SYTL2: variants seen among roughly 807,000 people sequenced by gnomAD.
SYTL2 encodes synaptotagmin like 2.
In SYTL2, 165 loss-of-function variants were observed where a neutral mutation model predicts 198.7. The observed-to-expected ratio is 0.83, with a 90% CI of 0.73 to 0.94. The LOEUF (loss-of-function observed/expected upper bound fraction) is 0.94. Ranked by LOEUF, SYTL2 falls within the 40% of genes least tolerant of loss-of-function variation. The pLI is 0.00. For synonymous variants in SYTL2, 966 were observed against 917.7 expected (o/e 1.05, Z -0.95); for missense variants, 2,835 against 2,582.8 (o/e 1.10, Z -2.12).
chr11:85,773,245 G>A (rs910770190), intron 1 of SYTL2, among the ~76,000 whole-genome samples: 3 of 151,922 alleles, frequency 2.0e-5, no homozygotes, highest in South Asian at 4.2e-4. Context: ...ACTGCCTTCA[G>A]GATAAAATTC....
rs538804271 is a variant in SYTL2, at chr11:85,805,530, G to C, written c.-390+5424C>G. Among the ~76,000 whole-genome samples the C allele has an allele frequency of 5.9e-5, 9 of 152,266 alleles. No individual in the cohort carries two copies. In the South Asian group the frequency reaches 1.9e-3, roughly 32 times the overall value. On this transcript the variant is annotated intron_variant, in intron 1 of 19. Transcript: ENST00000359152. ...TGACTGAGGAACTTAGCTTGCCTGG[G>C]ATCCAGCTAATGCCCTCAGCCTCAA... is the stretch of plus-strand genomic sequence containing the variant.
At chr11:85,833,704 A>G in the SYTL2 span, among the ~76,000 whole-genome samples, 3 of 151,166 alleles carry the variant, frequency 2.0e-5, no homozygotes, top group Non-Finnish European at 2.9e-5. Flanking sequence ...AACTTTCAGG[A>G]AAAGGACCTT....
the SYTL2 span, among the ~76,000 whole-genome samples, chr11:85,836,070 C>A: frequency 3.9e-5 from 6 of 152,260 alleles, no homozygotes; most frequent in Admixed American, 6.5e-5. Flanking sequence ...AGCTGCATAG[C>A]ATCAAGAGAT....
chr11:85,812,102 G>T (rs2093042177), upstream of SYTL2, among the ~76,000 whole-genome samples: 1 of 152,136 alleles, frequency 6.6e-6, no homozygotes, highest in African/African-American at 2.4e-5. Context: ...GCAAGACTCT[G>T]TCTCAAAAAA....
At chr11:85,707,654 G>C in intron 14 of SYTL2, 123 bp from the exon 15 acceptor site, 1 of 667,132 alleles carries the variant, frequency 1.5e-6, no homozygotes, top group Non-Finnish European at 2.6e-6. Context: ...GAGAAAAGCA[G>C]TGAATAACAA....
the SYTL2 span, among the ~76,000 whole-genome samples, chr11:85,838,492 T>A: frequency 6.6e-6 from 1 of 152,174 alleles, no homozygotes; most frequent in African/African-American, 2.4e-5. Flanking sequence ...CTTACAGGAA[T>A]CATGGTGCCA....
rs542987563 is a variant in SYTL2 at position 85,724,225 on chromosome 11, A to G, written c.5133T>C (p.Ser1711=). The G allele has an allele frequency of 1.9e-6, 3 of 1,578,538 alleles. No individual in the cohort carries two copies. In the Admixed American group the frequency reaches 5.9e-5, roughly 31 times the overall value. The change falls in exon 8 of 20, where the codon AGT becomes AGC. Residue 1711 remains serine (S), a synonymous_variant. Coordinates refer to ENST00000359152, the MANE Select transcript of SYTL2 (RefSeq NM_206927.4). ...PGFGEASEAI[S]VSRNRQPIPL... is the part of the protein sequence containing the mutation. ...GAATGGGTTGCCTATTTCTGGACACACTAATTGCTTCAGAAGCCTCTCCAA... is the reference window on the plus strand; with the variant it reads ...GAATGGGTTGCCTATTTCTGGACACGCTAATTGCTTCAGAAGCCTCTCCAA...
intron 4 of SYTL2, among the ~76,000 whole-genome samples, chr11:85,743,709 C>T (rs917572547): frequency 3.9e-5 from 6 of 152,140 alleles, no homozygotes; most frequent in African/African-American, 1.4e-4. Context: ...CCACCAGCCC[C>T]ACGGTTCATG....
At chr11:85,752,390 G>C (rs2091565727) in intron 2 of SYTL2, among the ~76,000 whole-genome samples, 1 of 152,114 alleles carries the variant, frequency 6.6e-6, no homozygotes, top group Non-Finnish European at 1.5e-5. Context: ...GCTTGCCCAA[G>C]GTCACACAGA....
At chr11:85,782,674 A>C (rs79518475) in intron 1 of SYTL2, among the ~76,000 whole-genome samples, 1 of 152,222 alleles carries the variant, frequency 6.6e-6, no homozygotes, top group Non-Finnish European at 1.5e-5. Flanking sequence ...TTCAGGTCAC[A>C]TCTTGAACAC....
At chr11:85,774,221 T>A (rs1357643092) in intron 1 of SYTL2, among the ~76,000 whole-genome samples, 1 of 152,220 alleles carries the variant, frequency 6.6e-6, no homozygotes, top group Non-Finnish European at 1.5e-5. Flanking sequence ...GGAACTGACA[T>A]TTAATCTTTC....
the SYTL2 span, among the ~76,000 whole-genome samples, chr11:85,851,298 T>A: frequency 6.6e-6 from 1 of 152,244 alleles, no homozygotes; most frequent in Non-Finnish European, 1.5e-5. Flanking sequence ...ATTTTCTATT[T>A]CTCAAAAGTA....
intron 3 of SYTL2, among the ~76,000 whole-genome samples, chr11:85,746,607 GCAGTGCTGGAGCTTC>G (rs1184129490): frequency 3.3e-5 from 5 of 152,210 alleles, no homozygotes; most frequent in Admixed American, 6.5e-5. Context: ...TTAGGATGAA[GCAGTGCTGGAGCTTC>G]CAGTTTCCAA....
chr11:85,802,616 G>A (rs2092906936), intron 1 of SYTL2, among the ~76,000 whole-genome samples: 1 of 152,064 alleles, frequency 6.6e-6, no homozygotes, highest in Admixed American at 6.6e-5. Flanking sequence ...CAATAGCCAA[G>A]AGGAAGGGAA....
intron 1 of SYTL2, among the ~76,000 whole-genome samples, chr11:85,802,688 G>A (rs749480808): frequency 6.6e-6 from 1 of 152,162 alleles, no homozygotes; most frequent in South Asian, 2.1e-4. Context: ...GGAAGAAAAG[G>A]AAAATGAATA....
At chr11:85,705,076 C>A in intron 15 of SYTL2, 48 bp from the exon 16 acceptor site, 1 of 1,460,100 alleles carries the variant, frequency 6.8e-7, no homozygotes, top group Non-Finnish European at 9.5e-7. Flanking sequence ...TTACTTGATG[C>A]CAAAGTTATA....
intron 16 of SYTL2, among the ~76,000 whole-genome samples, chr11:85,702,735 C>T (rs982034534): frequency 1.1e-4 from 17 of 152,134 alleles, no homozygotes; most frequent in African/African-American, 4.1e-4. Flanking sequence ...ATTCCTAGAA[C>T]GTTCTCATAT....
chr11:85,792,918 GA>G (rs1592050892), intron 1 of SYTL2, among the ~76,000 whole-genome samples: 2 of 151,686 alleles, frequency 1.3e-5, no homozygotes, highest in Non-Finnish European at 2.9e-5. Context: ...TGAGAATGAT[GA>G]TTTCCAATTT....
At chr11:85,799,256 G>A (rs749009824) in intron 1 of SYTL2, among the ~76,000 whole-genome samples, 3 of 152,116 alleles carry the variant, frequency 2.0e-5, no homozygotes, top group Non-Finnish European at 4.4e-5. Context: ...TAGTCCCAGC[G>A]CTCTAAGAAC....
Sources: gnomAD v4.1 joint callset for allele counts (sites outside exome capture counted in the v4.1 genomes callset) on GRCh38, gnomAD v4.1.1 for gene constraint, MANE v1.5 for transcripts, NCBI Gene and HGNC (gene_info 2026-07-23, HGNC 2026-07-21) for gene names.